The following AVL9 variants were observed in gnomAD, a reference collection of about 807,000 sequenced individuals.
The protein encoded by AVL9 is AVL9 cell migration associated.
Under a neutral mutation model 79.2 loss-of-function variants are expected in AVL9, and 49 were observed. The ratio of observed to expected loss-of-function variants is 0.62; its 90% CI spans 0.49 to 0.79. The LOEUF (loss-of-function observed/expected upper bound fraction) is 0.79. AVL9 is among the 30% of genes least tolerant of loss of function. AVL9 has a pLI of 0.00. For synonymous variants in AVL9, 299 were observed against 280.6 expected (o/e 1.07, Z -0.65); for missense variants, 682 against 776.8 (o/e 0.88, Z 1.45).
At chr7:32,503,036 C>A (rs1484666221) in intron 1 of AVL9, among the ~76,000 whole-genome samples, 1 of 151,970 alleles carries the variant, frequency 6.6e-6, no homozygotes, top group Non-Finnish European at 1.5e-5. Flanking sequence ...AAACCTAAAG[C>A]CTTCTTGGTA....
At chr7:32,506,380 G>A (rs1260292376) in intron 1 of AVL9, among the ~76,000 whole-genome samples, 1 of 152,136 alleles carries the variant, frequency 6.6e-6, no homozygotes, top group Non-Finnish European at 1.5e-5. Context: ...TGATACTGCT[G>A]CAGTCAATCC....
chr7:32,581,122 T>C, intron 15 of AVL9: 1 of 488,632 alleles, frequency 2.0e-6, no homozygotes, highest in South Asian at 2.5e-5. Flanking sequence ...GTCACTGTTT[T>C]GCTACCAAGA....
At chr7:32,542,690 G>T (rs1789270322) in intron 1 of AVL9, among the ~76,000 whole-genome samples, 1 of 152,158 alleles carries the variant, frequency 6.6e-6, no homozygotes, top group Non-Finnish European at 1.5e-5. Context: ...TTGAAATGTG[G>T]AAAGATGAGC....
chr7:32,534,753 G>A (rs1687493490), intron 1 of AVL9: 1 of 152,134 alleles, frequency 6.6e-6, no homozygotes, highest in African/African-American at 2.4e-5. Context: ...AGACCAGCCT[G>A]GCCAACATGG....
chr7:32,535,751 T>C (rs1028385835), intron 1 of AVL9: 1 of 152,222 alleles, frequency 6.6e-6, no homozygotes, highest in Non-Finnish European at 1.5e-5. Flanking sequence ...TCTGGTGATA[T>C]GGTTTGGCTG....
At chr7:32,497,104 C>T (rs1182530355) in intron 1 of AVL9, among the ~76,000 whole-genome samples, 1 of 132,656 alleles carries the variant, frequency 7.5e-6, no homozygotes, top group Non-Finnish European at 1.6e-5. Context: ...TGTCTCAATC[C>T]CAGCACTTTG....
intron 6 of AVL9, among the ~76,000 whole-genome samples, chr7:32,552,672 A>G (rs984059690): frequency 5.3e-5 from 8 of 152,016 alleles, no homozygotes; most frequent in Non-Finnish European, 1.2e-4. Flanking sequence ...CCTCCTGAGT[A>G]GCTGGGACCA....
chr7:32,549,144 A>G lies in AVL9; in HGVS notation c.372+226A>G, dbSNP rs892943389. Among the ~76,000 whole-genome samples the G allele has an allele frequency of 3.9e-5, 6 of 151,960 alleles. No individual in the cohort carries two copies. In the South Asian group the frequency reaches 1.0e-3, roughly 26 times the overall value. On this transcript the variant is annotated intron_variant, in intron 4 of 15. Coordinates refer to ENST00000318709, the MANE Select transcript of AVL9 (RefSeq NM_015060.3). ...TAGCTATTGGAAAGTAAGTTGACAC[A>G]TAAACAAAATGAGGTAGCTGATATA...
At position 32,579,482 on chromosome 7, in the gene AVL9, TATA is replaced by T. The variant is rs1241426591; in HGVS notation, c.1689-733_1689-731del. ...ATTATATATAATATATTATATTATATATAATATATTACATATTATATATTATAT... is the reference window on the plus strand; with the variant it reads ...ATTATATATAATATATTATATTATATATATATTACATATTATATATTATAT... On this transcript the variant is annotated intron_variant, in intron 13 of 15. Coordinates refer to ENST00000318709, the MANE Select transcript of AVL9 (RefSeq NM_015060.3). Among the ~76,000 whole-genome samples the T allele has an allele frequency of 4.4e-4, 4 of 9,128 alleles. 1 individual carries two copies. Among genetic ancestry groups the T allele is most frequent in the East Asian group, 5.4e-3 (2 of 372 alleles). 6.0% of individuals were successfully genotyped at this position (9,128 alleles called of 152,430 possible). A position where few individuals can be genotyped will look rare whatever the true frequency, so the allele number is the denominator to read the frequency against.
At chr7:32,552,110 T>G (rs1789858571) in intron 5 of AVL9, 119 bp from the exon 6 acceptor site, 6 of 638,374 alleles carry the variant, frequency 9.4e-6, no homozygotes, top group South Asian at 7.0e-5. Context: ...GTTTTTAAAT[T>G]TAGCGCCTAG....
intron 1 of AVL9, among the ~76,000 whole-genome samples, chr7:32,502,406 A>AGAAAG (rs1554332455): frequency 7.1e-6 from 1 of 140,118 alleles, no homozygotes; most frequent in Non-Finnish European, 1.5e-5. Context: ...AAAAAAAAAA[A>AGAAAG]AAAGAAAGAA....
chr7:32,580,937 C>A, intron 15 of AVL9, 47 bp downstream of exon 15: 1 of 1,328,476 alleles, frequency 7.5e-7, no homozygotes, highest in Non-Finnish European at 1.1e-6. Flanking sequence ...ACAACACATC[C>A]ATTTTCTATC....
chr7:32,552,163 C>A, intron 5 of AVL9, 66 bp from the exon 6 acceptor site: 1 of 1,020,120 alleles, frequency 9.8e-7, no homozygotes, highest in South Asian at 1.4e-5. Flanking sequence ...TTTTTCTGAT[C>A]AATATATTTC....
intron 1 of AVL9, among the ~76,000 whole-genome samples, chr7:32,496,371 C>T (rs1182517336): frequency 6.6e-6 from 1 of 152,188 alleles, no homozygotes; most frequent in Non-Finnish European, 1.5e-5. Context: ...TCCCATTGGT[C>T]CTTAGTTTTG....
intron 11 of AVL9, among the ~76,000 whole-genome samples, chr7:32,572,773 G>T (rs1379370800): frequency 7.4e-6 from 1 of 135,234 alleles, no homozygotes. Flanking sequence ...TGGCACTCCA[G>T]CCTGGGCGAC....
chr7:32,507,900 CT>C (rs1424515847), intron 1 of AVL9, among the ~76,000 whole-genome samples: 1 of 152,160 alleles, frequency 6.6e-6, no homozygotes, highest in Non-Finnish European at 1.5e-5. Flanking sequence ...ATTGTCCATC[CT>C]TTTAATTACA....
At chr7:32,513,292 G>C (rs991068128) in intron 1 of AVL9, among the ~76,000 whole-genome samples, 1 of 152,104 alleles carries the variant, frequency 6.6e-6, no homozygotes, top group Non-Finnish European at 1.5e-5. Flanking sequence ...AAAAAGACTG[G>C]TTTAGGCCTT....
At chr7:32,544,658 C>A in intron 2 of AVL9, 36 bp from the exon 3 acceptor site, 1 of 1,423,482 alleles carries the variant, frequency 7.0e-7, no homozygotes, top group Non-Finnish European at 9.9e-7. Context: ...AAGGGTAATT[C>A]ACCTCACTAT....
intron 15 of AVL9, among the ~76,000 whole-genome samples, chr7:32,583,289 C>A (rs76704622): frequency 6.6e-6 from 1 of 152,132 alleles, no homozygotes; most frequent in East Asian, 1.9e-4. Context: ...TAGGTGCCTA[C>A]GCTAAAAAAT....
Sources: allele counts gnomAD v4.1 joint callset (sites outside exome capture counted in the v4.1 genomes callset), GRCh38; gene constraint gnomAD v4.1.1; transcripts MANE v1.5; gene names NCBI Gene and HGNC (gene_info 2026-07-23, HGNC 2026-07-21).